The following CUX1 variants were observed in gnomAD, a reference collection of about 807,000 sequenced individuals.
CUX1 encodes the protein cut like homeobox 1, also known as protein CASP.
In CUX1, 31 loss-of-function variants were observed where a neutral mutation model predicts 158.8. The observed-to-expected ratio is 0.20, with a 90% CI of 0.15 to 0.26. The LOEUF is 0.26. Among genes scored for constraint, CUX1 ranks in the 10% least tolerant of loss-of-function variants. The pLI, the probability that CUX1 is intolerant of heterozygous loss-of-function variation, is 1.00. For synonymous variants in CUX1, 879 were observed against 862.1 expected, an observed-to-expected ratio of 1.02 and a Z score of -0.34; for missense variants, 1,589 against 2,014.6, an observed-to-expected ratio of 0.79 and a Z score of 4.04.
rs1276198953 is a variant in CUX1, at chr7:102,201,795, G to T, written c.2498G>T (p.Arg833Ile). 6.2e-7 allele frequency: 1 copy of T among 1,612,760 alleles called. No individual in the cohort carries two copies. Among genetic ancestry groups the T allele is most frequent in the African/African-American group, 1.3e-5 (1 of 74,930 alleles). The change falls in exon 18 of 24, where the codon AGA becomes ATA. Residue 833 changes from arginine to isoleucine, a missense_variant. Around this residue, in one of 8 missense-constraint regions of CUX1, gnomAD observed 337 missense variants for 409.3 expected, o/e 0.82. Transcript: ENST00000292535. This position sits in a 1 kb window ranked among gnomAD's most constrained non-coding sequence, Gnocchi z 5.0. ...HWWSAVQPER[R>I]NAASSEEAKA... ...TGGAGCGCGGTGCAGCCGGAGAGAA[G>T]AAATGCCGCCTCCTCCGAGGAGGCC...
intron 2 of CUX1, chr7:101,959,690 T>C (rs1204332193): frequency 4.6e-5 from 7 of 152,204 alleles, no homozygotes; most frequent in Non-Finnish European, 8.8e-5. Context: ...GTATTTTTTT[T>C]CCCCTCTCTC....
intron 2 of CUX1, among the ~76,000 whole-genome samples, chr7:101,935,135 A>G (rs949678032): frequency 9.9e-5 from 15 of 152,158 alleles, no homozygotes; most frequent in Non-Finnish European, 2.1e-4. Context: ...AAAAGAAGTG[A>G]AAATGGCCTG....
intron 21 of CUX1, among the ~76,000 whole-genome samples, chr7:102,232,714 C>T (rs367772029): frequency 2.0e-5 from 3 of 152,228 alleles, no homozygotes; most frequent in Admixed American, 1.3e-4. Context: ...TTTCTAAGCT[C>T]CTGACAAGCA....
intron 1 of CUX1, among the ~76,000 whole-genome samples, chr7:101,904,070 C>T (rs562099656): frequency 4.0e-5 from 6 of 151,644 alleles, no homozygotes; most frequent in South Asian, 4.2e-4. Context: ...AGGTGGGGGG[C>T]GGTCACTTGA....
chr7:102,048,733 G>A (rs1823137162), intron 3 of CUX1, among the ~76,000 whole-genome samples: 2 of 152,142 alleles, frequency 1.3e-5, no homozygotes, highest in African/African-American at 2.4e-5. Flanking sequence ...AGAGGCTGAG[G>A]CAGGGGAATC....
chr7:101,963,346 C>A (rs1469741860), intron 2 of CUX1, among the ~76,000 whole-genome samples: 1 of 152,184 alleles, frequency 6.6e-6, no homozygotes, highest in Non-Finnish European at 1.5e-5. Context: ...GTATTCCATG[C>A]GCGACCACGG....
chr7:101,975,288 A>T (rs866612844), intron 2 of CUX1, among the ~76,000 whole-genome samples: 14 of 151,684 alleles, frequency 9.2e-5, no homozygotes, highest in Middle Eastern at 3.2e-3. Flanking sequence ...GAGAAAAGAA[A>T]AGGCTCACGC....
chr7:101,832,421 T>C lies in CUX1; in HGVS notation c.30+14752T>C, dbSNP rs547994905. On this transcript the variant is annotated intron_variant, in intron 1 of 23. Coordinates refer to ENST00000292535, the MANE Select transcript of CUX1 (RefSeq NM_181552.4). ...GACATGGCACATCCAGCGAGCCCACTGTGTCCCCAGCACCTGCGGTGCAGG... is the reference window on the plus strand; with the variant it reads ...GACATGGCACATCCAGCGAGCCCACCGTGTCCCCAGCACCTGCGGTGCAGG... Among the ~76,000 whole-genome samples, 3 of 152,304 alleles carry C rather than the reference T, an allele frequency of 2.0e-5. No homozygotes were observed. In the South Asian group the frequency reaches 6.2e-4, roughly 32 times the overall value.
intron 3 of CUX1, among the ~76,000 whole-genome samples, chr7:102,046,131 G>C (rs1192677838): frequency 6.6e-6 from 1 of 152,226 alleles, no homozygotes; most frequent in East Asian, 1.9e-4. Flanking sequence ...GAGACCAGTG[G>C]GTTGCAGGTA....
chr7:101,830,228 G>C (rs1310959115), intron 1 of CUX1, among the ~76,000 whole-genome samples: 1 of 152,200 alleles, frequency 6.6e-6, no homozygotes, highest in African/African-American at 2.4e-5. Flanking sequence ...AATCCATGCA[G>C]ATCCCCTGAC....
intron 2 of CUX1, among the ~76,000 whole-genome samples, chr7:102,016,205 C>T (rs1180309401): frequency 6.6e-6 from 1 of 152,198 alleles, no homozygotes; most frequent in Non-Finnish European, 1.5e-5. Flanking sequence ...GCCTTAACCT[C>T]CCAAAGTGCT....
At chr7:102,203,382 C>A (rs537526653) in intron 18 of CUX1, among the ~76,000 whole-genome samples, 1 of 152,186 alleles carries the variant, frequency 6.6e-6, no homozygotes, top group Admixed American at 6.5e-5. Context: ...GGCGCCGTCC[C>A]CGCACTCCCC....
chr7:102,189,740 G>A lies in CUX1; in HGVS notation c.1018-73G>A, dbSNP rs1039144830. 3.3e-5 allele frequency: 50 copies of A among 1,529,436 alleles called. No homozygotes were observed. The South Asian group carries it at 5.5e-4, about 17-fold the overall frequency. 94.7% of individuals were successfully genotyped at this position (1,529,436 alleles called of 1,614,324 possible). On this transcript the variant is annotated intron_variant, in intron 11 of 23. Transcript: ENST00000292535. ...CTCAGGCACAGCTGGCTGTTCCGCA[G>A]TGAATGCCGTCGGTGAAGTCCGTCG...
intron 22 of CUX1, among the ~76,000 whole-genome samples, chr7:102,238,916 A>G (rs1487681903): frequency 6.6e-6 from 1 of 152,058 alleles, no homozygotes; most frequent in African/African-American, 2.4e-5. Context: ...TTGAGACGGA[A>G]TCTTGCTCTG....
intron 2 of CUX1, among the ~76,000 whole-genome samples, chr7:102,018,736 GT>G (rs1818977542): frequency 5.8e-5 from 3 of 51,562 alleles, no homozygotes; most frequent in African/African-American, 2.3e-4. Flanking sequence ...GAGAGCTTGA[GT>G]GCGTGCGTGC....
At chr7:102,241,674 A>G (rs1800226909) in intron 23 of CUX1, among the ~76,000 whole-genome samples, 1 of 152,272 alleles carries the variant, frequency 6.6e-6, no homozygotes, top group African/African-American at 2.4e-5. Context: ...CCATAGAGGC[A>G]AAGTCACAAG....
chr7:102,134,599 G>T lies in CUX1; in HGVS notation c.674+19326G>T, dbSNP rs1192663391. 2.0e-5 allele frequency among the ~76,000 whole-genome samples: 3 copies of T among 152,018 alleles called. No individual in the cohort carries two copies. In the East Asian group the frequency reaches 5.8e-4, roughly 29 times the overall value. ...CCCACCGCTTTGCACAGTGCCACAT[G>T]ACTTTTTATTTGTTTTGAGACAGGA... On this transcript the variant is annotated intron_variant, in intron 8 of 23. Coordinates refer to ENST00000292535, the MANE Select transcript of CUX1 (RefSeq NM_181552.4).
At chr7:102,197,782 G>A (rs549694952) in intron 15 of CUX1, among the ~76,000 whole-genome samples, 3 of 152,156 alleles carry the variant, frequency 2.0e-5, no homozygotes, top group South Asian at 2.1e-4. Flanking sequence ...TTCCCACCCC[G>A]CAGAAGAGGG....
At chr7:102,064,739 A>C (rs116455981) in intron 3 of CUX1, among the ~76,000 whole-genome samples, 4 of 152,040 alleles carry the variant, frequency 2.6e-5, no homozygotes, top group Non-Finnish European at 5.9e-5. Context: ...GGCCCTTGCC[A>C]GGGTAGGTCA....
Sources: gnomAD v4.1 joint callset for allele counts (sites outside exome capture counted in the v4.1 genomes callset) on GRCh38, gnomAD v4.1.1 for gene constraint, gnomAD v4.1.1 regional missense constraint, Gnocchi (gnomAD v3.1) non-coding constraint, MANE v1.5 for transcripts, NCBI Gene and HGNC (gene_info 2026-07-23, HGNC 2026-07-21) for gene names.